Variants in PGM2 observed in about 807,000 individuals in gnomAD.
PGM2 encodes the protein phosphopentomutase.
A neutral mutation model predicts 74.6 loss-of-function variants in PGM2; 57 were observed. The observed-to-expected ratio is 0.76, with a 90% confidence interval of 0.62 to 0.95. The LOEUF is 0.95. Among genes scored for constraint, PGM2 ranks in the 40% least tolerant of loss-of-function variants. The pLI is 0.00. For missense variants in PGM2, 706 were observed against 741.9 expected, an observed-to-expected ratio of 0.95 and a Z score of 0.56; for synonymous variants, 273 against 260.7, an observed-to-expected ratio of 1.05 and a Z score of -0.46.
At chr4:37,846,463 C>T (rs1324774301) in intron 8 of PGM2, among the ~76,000 whole-genome samples, 5 of 152,206 alleles carry the variant, frequency 3.3e-5, no homozygotes, top group Non-Finnish European at 7.3e-5. Flanking sequence ...AATTACACAT[C>T]TTTTCTCTGA....
At chr4:37,841,108 G>GTT (rs1725710716) in intron 6 of PGM2, among the ~76,000 whole-genome samples, 1 of 119,158 alleles carries the variant, frequency 8.4e-6, no homozygotes, top group African/African-American at 3.1e-5. Flanking sequence ...ATATGTGTGT[G>GTT]TGTGTGTTTG....
At chr4:37,833,381 T>G (rs1444809484) in intron 2 of PGM2, among the ~76,000 whole-genome samples, 4 of 152,072 alleles carry the variant, frequency 2.6e-5, no homozygotes, top group Non-Finnish European at 4.4e-5. Context: ...TATGGCAAGA[T>G]CCCATCTCTA....
chr4:37,858,118 A>G (rs1711600298), intron 13 of PGM2, among the ~76,000 whole-genome samples: 1 of 152,132 alleles, frequency 6.6e-6, no homozygotes, highest in Non-Finnish European at 1.5e-5. Context: ...TGGTATTAAC[A>G]TTTTTCACAT....
In PGM2 at chr4:37,861,517, G is replaced by T; in HGVS notation, c.1744G>T (p.Glu582Ter). Residue 582 changes from glutamate (E) to a stop codon, truncating the protein, a stop_gained, in exon 14 of 14, where the codon GAG becomes TAG. Transcript: ENST00000381967. LOFTEE classifies it high-confidence loss of function. ...TTCCCCCTTATTTTCCAGTGATCCT[G>T]AGCAGCTGAAGAAGGAACTGAATGA... is the stretch of plus-strand genomic sequence containing the variant. ...LCAPPGNSDP[E>*]QLKKELNELV... 6.2e-7 allele frequency: 1 copy of T among 1,608,986 alleles called. No homozygotes were observed. The highest frequency in any genetic ancestry group is 8.5e-7 in the Non-Finnish European group (1 of 1,175,768).
chr4:37,861,462 C>A, intron 13 of PGM2, 48 bp from the exon 14 acceptor site: 2 of 1,273,348 alleles, frequency 1.6e-6, no homozygotes, highest in Non-Finnish European at 1.1e-6. Flanking sequence ...TTAAACTGTG[C>A]TTTGGAATAA....
Position 37,855,640 on chromosome 4 carries a change from C to T in PGM2, c.1635C>T (p.Ile545=), listed in dbSNP as rs1385532938. The T allele has an allele frequency of 6.2e-7, 1 of 1,613,636 alleles. No individual in the cohort carries two copies. Among genetic ancestry groups the T allele is most frequent in the Non-Finnish European group, 8.5e-7 (1 of 1,179,862 alleles). Residue 545 remains isoleucine, a synonymous_variant, in exon 13 of 14, where the codon ATC becomes ATT. Coordinates refer to ENST00000381967, the MANE Select transcript of PGM2 (RefSeq NM_018290.4). Reference sequence around the variant, plus strand: ...CCACTAGTAAAAGCAGCCAAATGATCACCTTCACCTTTGCTAATGGAGGCG... The same window carrying T: ...CCACTAGTAAAAGCAGCCAAATGATTACCTTCACCTTTGCTAATGGAGGCG... The part of the protein sequence containing the change: ...VLPTSKSSQM[I]TFTFANGGVA...
intron 8 of PGM2, 128 bp from the exon 9 acceptor site, chr4:37,846,803 A>G (rs1038088910): frequency 2.8e-6 from 2 of 709,984 alleles, no homozygotes; most frequent in Admixed American, 5.5e-5. Flanking sequence ...GATGATGAAT[A>G]ACAAGAACAG....
At chr4:37,840,311 A>G (rs1438330866) in intron 6 of PGM2, 52 bp downstream of exon 6, 2 of 1,047,774 alleles carry the variant, frequency 1.9e-6, no homozygotes, top group African/African-American at 1.6e-5. Flanking sequence ...TGATTCAGCC[A>G]AATTCTATTA....
At chr4:37,859,751 C>T (rs1292870912) in intron 13 of PGM2, among the ~76,000 whole-genome samples, 1 of 152,134 alleles carries the variant, frequency 6.6e-6, no homozygotes. Context: ...AAGAACACTG[C>T]ATTGTATTTA....
At chr4:37,854,902 T>G (rs572696112) in intron 12 of PGM2, among the ~76,000 whole-genome samples, 16 of 152,194 alleles carry the variant, frequency 1.1e-4, no homozygotes, top group Non-Finnish European at 1.8e-4. Flanking sequence ...ATTAATTTAG[T>G]TATGTTAATT....
Position 37,834,711 on chromosome 4 carries a change from G to T in PGM2, c.343G>T (p.Gly115Cys). The change falls in exon 3 of 14, where the codon GGT becomes TGT. Residue 115 changes from glycine (G) to cysteine (C), a missense_variant. Gly to Cys is a radical substitution (Grantham distance 159). Around this residue, in one of 3 missense-constraint regions of PGM2, gnomAD observed 332 missense variants for 334.9 expected, o/e 0.99. Transcript: ENST00000381967. ...FDARAHPSSG[G>C]SSRRFARLAA... ...CGCCCGAGCTCATCCATCCAGTGGG[G>T]GTAGCAGCAGAAGGTATTTAAACAT... The T allele has an allele frequency of 6.7e-7, 1 of 1,481,900 alleles. No individual in the cohort carries two copies. Among genetic ancestry groups the T allele is most frequent in the Non-Finnish European group, 9.4e-7 (1 of 1,066,966 alleles). The allele number at this position is 1,481,900 out of a possible 1,614,324, so 91.8% of individuals were successfully genotyped here. A position where few individuals can be genotyped will look rare whatever the true frequency, so the allele number is the denominator to read the frequency against.
intron 13 of PGM2, among the ~76,000 whole-genome samples, chr4:37,860,041 AT>A (rs1473146280): frequency 1.3e-5 from 2 of 152,156 alleles, no homozygotes; most frequent in Non-Finnish European, 2.9e-5. Flanking sequence ...GGTGGTACTG[AT>A]TTCTTTTTCA....
intron 12 of PGM2, 93 bp from the exon 13 acceptor site, chr4:37,855,515 G>T: frequency 9.0e-6 from 10 of 1,117,226 alleles, no homozygotes; most frequent in South Asian, 1.6e-5. Flanking sequence ...CAATAGATTT[G>T]TTTGGCATTT....
intron 7 of PGM2, among the ~76,000 whole-genome samples, chr4:37,845,197 T>A (rs1030244034): frequency 5.9e-5 from 9 of 152,204 alleles, no homozygotes; most frequent in Non-Finnish European, 1.0e-4. Flanking sequence ...TTTTTATTTC[T>A]TGTCATTTTT....
intron 8 of PGM2, 51 bp from the exon 9 acceptor site, chr4:37,846,880 T>A (rs1725887590): frequency 6.9e-7 from 1 of 1,442,732 alleles, no homozygotes; most frequent in South Asian, 1.3e-5. Context: ...TTTAGAGTCT[T>A]CCTTAAGATT....
In PGM2 at chr4:37,850,251, T is replaced by C. The variant is rs762889915; in HGVS notation, c.1480T>C (p.Phe494Leu). 1.9e-6 allele frequency: 3 copies of C among 1,582,350 alleles called. No homozygotes were observed. In the African/African-American group the frequency reaches 4.1e-5, roughly 22 times the overall value. The change falls in exon 12 of 14, where the codon TTT becomes CTT. Residue 494 changes from phenylalanine to leucine, a missense_variant. Phe to Leu is a conservative substitution (Grantham distance 22, BLOSUM62 0). Transcript: ENST00000381967. ...CHDQETIKKL[F>L]ENLRNYDGKN... ...TGATCAAGAAACCATTAAGAAATTA[T>C]TTGAAAACCTCAGAAACTACGATGG...
intron 13 of PGM2, 24 bp from the exon 14 acceptor site, chr4:37,861,486 A>AT (rs764697385): frequency 2.3e-5 from 35 of 1,516,956 alleles, no homozygotes; most frequent in Non-Finnish European, 3.0e-5. Context: ...CTTGACCTGG[A>AT]TTTTTTTCCC....
chr4:37,840,888 T>C (rs1296022099), intron 6 of PGM2, among the ~76,000 whole-genome samples: 1 of 151,792 alleles, frequency 6.6e-6, no homozygotes, highest in Admixed American at 6.6e-5. Context: ...TAGGCCATAG[T>C]TTGCTGACCT....
intron 12 of PGM2, among the ~76,000 whole-genome samples, chr4:37,852,240 A>G (rs903451321): frequency 1.4e-5 from 2 of 141,678 alleles, no homozygotes; most frequent in Admixed American, 7.7e-5. Flanking sequence ...TACTGGGATT[A>G]CAGGCGTAAG....
Sources: allele counts gnomAD v4.1 joint callset (sites outside exome capture counted in the v4.1 genomes callset), GRCh38; gene constraint gnomAD v4.1.1; regional missense constraint gnomAD v4.1.1; transcripts MANE v1.5; gene names NCBI Gene and HGNC (gene_info 2026-07-23, HGNC 2026-07-21).